Variants in NRXN1 observed in about 807,000 individuals in gnomAD.
The protein encoded by NRXN1 is neurexin 1.
Under a neutral mutation model 150.9 loss-of-function variants are expected in NRXN1, and 39 were observed. That is an observed-to-expected ratio of 0.26 (90% CI 0.20 to 0.34). The LOEUF (loss-of-function observed/expected upper bound fraction) is 0.34, where lower values mean the gene tolerates loss of function less well. Among genes scored for constraint, NRXN1 ranks in the 10% least tolerant of loss-of-function variants. NRXN1 has a pLI of 1.00. For missense variants in NRXN1, 1,815 were observed against 1,949.9 expected (o/e 0.93, Z 1.30); for synonymous variants, 924 against 757.0 (o/e 1.22, Z -3.62).
At position 50,823,036 on chromosome 2, in the gene NRXN1, C is replaced by T. The variant is rs115658473; in HGVS notation, c.832+98833G>A. ...CATAATTAGAGAAAGTAACTATAGA[C>T]GTCAATAATCAATGTGCACTTGCAC... On this transcript the variant is annotated intron_variant, in intron 5 of 22. Transcript: ENST00000401669. Among the ~76,000 whole-genome samples the T allele has an allele frequency of 4.2e-3, 642 of 152,258 alleles. 3 individuals are homozygous for T. The highest frequency in any genetic ancestry group is 6.0e-3 in the Non-Finnish European group (409 of 68,006).
chr2:50,299,096 A>T (rs774960854), intron 17 of NRXN1, among the ~76,000 whole-genome samples: 3 of 152,014 alleles, frequency 2.0e-5, no homozygotes, highest in Admixed American at 6.6e-5. Context: ...AATCATGTAG[A>T]CCCTTTCAGG....
intron 2 of NRXN1, among the ~76,000 whole-genome samples, chr2:51,011,430 G>C (rs1201474164): frequency 1.3e-5 from 2 of 151,924 alleles, no homozygotes; most frequent in Non-Finnish European, 1.5e-5. Context: ...TAAGAATAAG[G>C]GTCTACACAA....
intron 8 of NRXN1, among the ~76,000 whole-genome samples, chr2:50,573,226 G>C (rs1282543718): frequency 1.3e-5 from 2 of 151,964 alleles, no homozygotes; most frequent in Admixed American, 6.6e-5. Context: ...AGTTGGACAT[G>C]GTGATGTGCA....
intron 17 of NRXN1, among the ~76,000 whole-genome samples, chr2:50,425,617 A>T (rs1205617107): frequency 1.3e-5 from 2 of 152,184 alleles, no homozygotes; most frequent in African/African-American, 4.8e-5. Flanking sequence ...CAAGTATATA[A>T]TGTTGAACCC....
chr2:50,143,532 A>G (rs1401929487), intron 18 of NRXN1, among the ~76,000 whole-genome samples: 2 of 152,018 alleles, frequency 1.3e-5, no homozygotes, highest in Admixed American at 1.3e-4. Flanking sequence ...ACTTTTAGAT[A>G]TCCATTTATT....
rs750429738 is a variant in NRXN1 at position 50,346,764 on chromosome 2, G to T, written c.3365-109794C>A. On this transcript the variant is annotated intron_variant, in intron 17 of 22. Transcript: ENST00000401669. The surrounding 1 kb of genome is among the most constrained non-coding windows in gnomAD (Gnocchi z 5.0). ...CTGAATGATGCTTGCTGCTGCCATG[G>T]AAATGGTGGATGTGGTGCGCTCCCA... The T allele has an allele frequency of 6.2e-7, 1 of 1,613,778 alleles. No individual in the cohort carries two copies. Among genetic ancestry groups the T allele is most frequent in the Admixed American group, 1.7e-5 (1 of 60,006 alleles).
At chr2:50,244,398 G>A (rs561214091) in intron 17 of NRXN1, among the ~76,000 whole-genome samples, 13 of 151,874 alleles carry the variant, frequency 8.6e-5, no homozygotes, top group South Asian at 2.1e-4. Context: ...CATTGGTGTC[G>A]TATAAAACTA....
chr2:50,645,458 G>A (rs978822295), intron 5 of NRXN1, among the ~76,000 whole-genome samples: 13 of 151,756 alleles, frequency 8.6e-5, no homozygotes, highest in African/African-American at 1.4e-4. Context: ...ATAAATACTC[G>A]TCATCACATA....
intron 5 of NRXN1, among the ~76,000 whole-genome samples, chr2:50,785,596 C>T (rs1574468979): frequency 6.6e-6 from 1 of 152,086 alleles, no homozygotes; most frequent in Non-Finnish European, 1.5e-5. Flanking sequence ...TTTGTTATGG[C>T]AGACCCGGCT....
intron 5 of NRXN1, among the ~76,000 whole-genome samples, chr2:50,688,519 T>C (rs1443019384): frequency 6.6e-6 from 1 of 152,092 alleles, no homozygotes; most frequent in Non-Finnish European, 1.5e-5. Context: ...ACTGGGTGGG[T>C]AGAAGAAATT....
chr2:50,069,453 A>C (rs1039178199), intron 19 of NRXN1, among the ~76,000 whole-genome samples: 1 of 152,212 alleles, frequency 6.6e-6, no homozygotes, highest in African/African-American at 2.4e-5. Context: ...TTTCATGAGG[A>C]AATTAATTTT....
chr2:49,986,856 G>C (rs893910005), intron 21 of NRXN1, among the ~76,000 whole-genome samples: 4 of 151,920 alleles, frequency 2.6e-5, no homozygotes, highest in Non-Finnish European at 5.9e-5. Context: ...TTGAGCCCAG[G>C]AGTTTGAGAC....
rs1051359011 is a variant in NRXN1, at chr2:50,347,058, C to T, written c.3365-110088G>A. 7.3e-7 allele frequency: 1 copy of T among 1,377,322 alleles called. No individual in the cohort carries two copies. Among genetic ancestry groups the T allele is most frequent in the African/African-American group, 1.5e-5 (1 of 66,688 alleles). The allele number at this position is 1,377,322 out of a possible 1,614,324, so 85.3% of individuals were successfully genotyped here. On this transcript the variant is annotated intron_variant, in intron 17 of 22. Transcript: ENST00000401669. The surrounding 1 kb of genome is among the most constrained non-coding windows in gnomAD (Gnocchi z 4.9). ...GCGCGGAGTGGGCTGAGGGGCCGGC[C>T]GCCTCACCGCGCCAGGGCACCCATC...
At chr2:50,434,846 T>C (rs1053543393) in intron 17 of NRXN1, among the ~76,000 whole-genome samples, 1 of 151,956 alleles carries the variant, frequency 6.6e-6, no homozygotes, top group Non-Finnish European at 1.5e-5. Context: ...TTTCCAGAAA[T>C]GGAAACAACA....
At chr2:50,747,108 G>C (rs1700113626) in intron 5 of NRXN1, among the ~76,000 whole-genome samples, 1 of 152,096 alleles carries the variant, frequency 6.6e-6, no homozygotes, top group East Asian at 1.9e-4. Context: ...TGGTAAAGAA[G>C]ATAGAGACCG....
At chr2:50,979,399 C>A (rs1696418578) in intron 2 of NRXN1, 4 of 414,716 alleles carry the variant, frequency 9.6e-6, no homozygotes, top group South Asian at 7.4e-5. Context: ...CAGGTATTTC[C>A]ATCTTGGGAT....
At chr2:49,980,742 A>G (rs1279472104) in intron 21 of NRXN1, among the ~76,000 whole-genome samples, 3 of 152,120 alleles carry the variant, frequency 2.0e-5, no homozygotes, top group African/African-American at 7.2e-5. Flanking sequence ...GCAATTAGAA[A>G]CCATGAATGT....
At chr2:50,548,048 G>A (rs2093532690) in intron 9 of NRXN1, 1 of 152,064 alleles carries the variant, frequency 6.6e-6, no homozygotes, top group African/African-American at 2.4e-5. Flanking sequence ...TTGAATAAGG[G>A]GTTCATATAC....
intron 5 of NRXN1, among the ~76,000 whole-genome samples, chr2:50,734,006 T>C (rs1167473709): frequency 1.3e-5 from 2 of 152,152 alleles, no homozygotes; most frequent in African/African-American, 4.8e-5. Context: ...CTTAAAGTAC[T>C]TGAAGCCAGA....
Sources: gnomAD v4.1 joint callset for allele counts (sites outside exome capture counted in the v4.1 genomes callset) on GRCh38, gnomAD v4.1.1 for gene constraint, Gnocchi (gnomAD v3.1) non-coding constraint, MANE v1.5 for transcripts, NCBI Gene and HGNC (gene_info 2026-07-23, HGNC 2026-07-21) for gene names.